The following SESN2 variants were observed in gnomAD, a reference collection of about 807,000 sequenced individuals.
SESN2 encodes sestrin 2, also known as sestrin-2.
SESN2 carries 42 observed loss-of-function variants against 56.0 expected under a neutral mutation model. The observed-to-expected ratio is 0.75, with a 90% confidence interval of 0.59 to 0.97. The LOEUF is 0.97. Ranked by LOEUF, SESN2 falls within the 50% of genes least tolerant of loss-of-function variation. The probability of loss-of-function intolerance (pLI) is 0.00; values close to 1 mark genes in which losing one functional copy is unlikely to be tolerated. For missense variants in SESN2, 507 were observed against 649.4 expected (o/e 0.78, Z 2.38); for synonymous variants, 264 against 267.1 (o/e 0.99, Z 0.11).
chr1:28,270,707 G>T (rs1647740399), intron 2 of SESN2, among the ~76,000 whole-genome samples: 1 of 152,114 alleles, frequency 6.6e-6, no homozygotes, highest in South Asian at 2.1e-4. Flanking sequence ...CGAGTAGCTG[G>T]GATTACAGGC....
In SESN2 at chr1:28,274,731, G is replaced by A. The variant is rs1647961500; in HGVS notation, c.1021-94G>A. The stretch of plus-strand genomic sequence containing the variant: ...CACGTTAGGTTTATGGCACCAGGAA[G>A]GAGAATCATGGAGATCCCAGGTCCA... On this transcript the variant is annotated intron_variant, in intron 7 of 9. Coordinates refer to ENST00000253063, the MANE Select transcript of SESN2 (RefSeq NM_031459.5). 12 of 973,546 alleles carry A rather than the reference G, an allele frequency of 1.2e-5. No individual in the cohort carries two copies. The East Asian group carries it at 2.9e-4, about 23-fold the overall frequency. The allele number at this position is 973,546 out of a possible 1,614,324, so 60.3% of individuals were successfully genotyped here.
chr1:28,279,849 G>A (rs1648172824), intron 9 of SESN2, among the ~76,000 whole-genome samples: 1 of 150,304 alleles, frequency 6.7e-6, no homozygotes, highest in South Asian at 2.1e-4. Flanking sequence ...GCCTCTCTGA[G>A]CTTTTTATCC....
Position 28,272,414 on chromosome 1 carries a change from TC to T in SESN2, c.486del (p.Asn163ThrfsTer20). 1 of 1,613,020 alleles carries T rather than the reference TC, an allele frequency of 6.2e-7. No homozygotes were observed. Among genetic ancestry groups the T allele is most frequent in the Non-Finnish European group, 8.5e-7 (1 of 1,179,928 alleles). On this transcript the variant is annotated frameshift_variant, in exon 4 of 10. Transcript: ENST00000253063. LOFTEE classifies it high-confidence loss of function. ...APEKLRKLSE[I>X]NKLLAHRPWL... ...GAGAAGCTGCGCAAACTCAGCGAGA[TC>T]AACAAGTTGCTGGCGCATCGGCCAT... is the stretch of plus-strand genomic sequence containing the variant.
chr1:28,260,240 G>C (rs948386180), intron 1 of SESN2, among the ~76,000 whole-genome samples: 2 of 151,690 alleles, frequency 1.3e-5, no homozygotes, highest in African/African-American at 4.8e-5. Context: ...TGGCCAATGA[G>C]GGAGAAGCCT....
chr1:28,260,089 C>A, intron 1 of SESN2, 152 bp downstream of exon 1: 1 of 522,080 alleles, frequency 1.9e-6, no homozygotes, highest in Non-Finnish European at 3.3e-6. Flanking sequence ...CTGGCAGCCG[C>A]GGCCCTCGGC....
chr1:28,271,966 A>G, intron 3 of SESN2, 95 bp downstream of exon 3: 1 of 1,237,648 alleles, frequency 8.1e-7, no homozygotes, highest in Non-Finnish European at 1.2e-6. Context: ...CTGATTCCAT[A>G]GACAAGCAGG....
intron 9 of SESN2, among the ~76,000 whole-genome samples, chr1:28,279,685 A>G (rs1648167990): frequency 6.6e-6 from 1 of 150,888 alleles, no homozygotes; most frequent in African/African-American, 2.4e-5. Context: ...AGCTGGGACT[A>G]CAGGCGTGTG....
chr1:28,269,527 C>T (rs1413326817), intron 2 of SESN2, among the ~76,000 whole-genome samples: 1 of 151,838 alleles, frequency 6.6e-6, no homozygotes, highest in African/African-American at 2.4e-5. Flanking sequence ...TAGATCAGTG[C>T]CTGCTTTCCC....
intron 6 of SESN2, 134 bp downstream of exon 6, chr1:28,273,642 T>C: frequency 1.2e-6 from 1 of 863,134 alleles, no homozygotes; most frequent in Non-Finnish European, 1.7e-6. Context: ...AGCATGGGCC[T>C]TGGGCTCAGA....
At chr1:28,276,532 T>TATA (rs1199701728) in intron 8 of SESN2, among the ~76,000 whole-genome samples, 4 of 151,742 alleles carry the variant, frequency 2.6e-5, no homozygotes, top group Non-Finnish European at 5.9e-5. Flanking sequence ...TATCTGCTGT[T>TATA]ATTATTATCA....
intron 8 of SESN2, among the ~76,000 whole-genome samples, chr1:28,278,886 C>G (rs556546114): frequency 2.6e-5 from 4 of 152,210 alleles, no homozygotes; most frequent in Non-Finnish European, 4.4e-5. Context: ...CATGCTCATT[C>G]TCTGCATTCC....
chr1:28,259,902 G>T lies in SESN2; in HGVS notation c.55G>T (p.Ala19Ser), dbSNP rs548243809. ...RAELKDYLRF[A>S]PGGVGDSGPG... ...AGAGCTCAAGGACTACCTGCGGTTC[G>T]CCCCGGGCGGCGTCGGCGACTCGGG... is the stretch of plus-strand genomic sequence containing the variant. Residue 19 changes from alanine (A) to serine (S), a missense_variant, in exon 1 of 10, where the codon GCC (alanine) becomes TCC (serine). Transcript: ENST00000253063. 2 of 1,463,302 alleles carry T rather than the reference G, an allele frequency of 1.4e-6. No homozygotes were observed. The highest frequency in any genetic ancestry group is 1.3e-5 in the South Asian group (1 of 75,352). The allele number at this position is 1,463,302 out of a possible 1,614,324, so 90.6% of individuals were successfully genotyped here.
At chr1:28,270,646 A>G (rs773472437) in intron 2 of SESN2, among the ~76,000 whole-genome samples, 1 of 151,522 alleles carries the variant, frequency 6.6e-6, no homozygotes, top group Non-Finnish European at 1.5e-5. Flanking sequence ...ATCTTGGCTC[A>G]CCGCAACCTC....
intron 1 of SESN2, among the ~76,000 whole-genome samples, chr1:28,261,990 A>G (rs1372915276): frequency 4.6e-5 from 7 of 152,146 alleles, no homozygotes; most frequent in Non-Finnish European, 1.0e-4. Context: ...CATGTTGGCC[A>G]GGCTGATCTT....
At position 28,279,150 on chromosome 1, in the gene SESN2, AG is replaced by A. The variant is rs756937978; in HGVS notation, c.1267del (p.Val423SerfsTer33). On this transcript the variant is annotated frameshift_variant, in exon 9 of 10. Transcript: ENST00000253063. LOFTEE classifies it high-confidence loss of function. ...EVNQLLERNLKVYIKTVACYP... is the reference protein window; with the variant it reads ...EVNQLLERNLXVYIKTVACYP... ...AACCAGCTCCTGGAGCGGAACCTCA[AG>A]GTCTATATCAAGACAGTGGCCTGCT... The A allele has an allele frequency of 6.2e-6, 10 of 1,614,066 alleles. No individual in the cohort carries two copies. The highest frequency in any genetic ancestry group is 1.7e-5 in the Admixed American group (1 of 60,006).
In SESN2 at chr1:28,274,012, C is replaced by T; in HGVS notation, c.902-28C>T. 3 of 1,446,054 alleles carry T rather than the reference C, an allele frequency of 2.1e-6. No individual in the cohort carries two copies. The South Asian group carries it at 3.4e-5, about 17-fold the overall frequency. The allele number at this position is 1,446,054 out of a possible 1,614,324, so 89.6% of individuals were successfully genotyped here. ...ACCCCTGCATGCCCCATGCCTCAGC[C>T]TCACTGTGACCTCTTTCTGGTCCTC... On this transcript the variant is annotated intron_variant, in intron 6 of 9. Coordinates refer to ENST00000253063, the MANE Select transcript of SESN2 (RefSeq NM_031459.5).
chr1:28,271,010 C>T lies in SESN2; in HGVS notation c.157-664C>T, dbSNP rs1325806370. 4.6e-5 allele frequency among the ~76,000 whole-genome samples: 7 copies of T among 152,062 alleles called. No homozygotes were observed. In the East Asian group the frequency reaches 9.6e-4, roughly 21 times the overall value. On this transcript the variant is annotated intron_variant, in intron 2 of 9. Coordinates refer to ENST00000253063, the MANE Select transcript of SESN2 (RefSeq NM_031459.5). ...CAGCCTGGACAACATAGTGGGACCC[C>T]GTCTGTATTAAAAAAAAAAGTTAAA...
chr1:28,260,542 C>G (rs1475632985), intron 1 of SESN2, among the ~76,000 whole-genome samples: 2 of 152,068 alleles, frequency 1.3e-5, no homozygotes, highest in Non-Finnish European at 2.9e-5. Context: ...CCGCCCGGTA[C>G]GCGGCGGCGG....
intron 1 of SESN2, among the ~76,000 whole-genome samples, chr1:28,261,947 A>G (rs997836587): frequency 9.9e-5 from 15 of 151,872 alleles, no homozygotes; most frequent in Admixed American, 3.9e-4. Context: ...TGCCCAGCTA[A>G]TTTTTGTATT....
Sources: gnomAD v4.1 joint callset for allele counts (sites outside exome capture counted in the v4.1 genomes callset) on GRCh38, gnomAD v4.1.1 for gene constraint, MANE v1.5 for transcripts, NCBI Gene and HGNC (gene_info 2026-07-23, HGNC 2026-07-21) for gene names.